MATN2: variants seen among roughly 807,000 people sequenced by gnomAD.
The protein encoded by MATN2 is matrilin 2.
MATN2 carries 69 observed loss-of-function variants against 103.2 expected under a neutral mutation model. The ratio of observed to expected loss-of-function variants is 0.67; its 90% CI spans 0.55 to 0.82. The LOEUF (loss-of-function observed/expected upper bound fraction) is 0.82. Among genes scored for constraint, MATN2 ranks in the 40% least tolerant of loss-of-function variants. MATN2 has a pLI of 0.00. For synonymous variants in MATN2, 429 were observed against 450.2 expected (o/e 0.95, Z 0.60); for missense variants, 1,023 against 1,211.5 (o/e 0.84, Z 2.31).
intron 1 of MATN2, among the ~76,000 whole-genome samples, chr8:97,877,586 G>A (rs1355003336): frequency 2.0e-5 from 3 of 151,652 alleles, no homozygotes; most frequent in African/African-American, 7.3e-5. Context: ...CTCCCGAAGT[G>A]CTGGGATTAC....
At chr8:97,872,831 A>C (rs370800245) in intron 1 of MATN2, among the ~76,000 whole-genome samples, 1 of 150,808 alleles carries the variant, frequency 6.6e-6, no homozygotes, top group African/African-American at 2.5e-5. Flanking sequence ...GTCTCGTTCT[A>C]TCGCCCACGC....
chr8:97,949,046 A>G (rs557740506), intron 4 of MATN2, among the ~76,000 whole-genome samples: 15 of 152,360 alleles, frequency 9.8e-5, no homozygotes, highest in Middle Eastern at 3.4e-3. Flanking sequence ...AAACACCACC[A>G]TAAAAATGGG....
chr8:98,032,955 G>C, intron 16 of MATN2, 87 bp from the exon 17 acceptor site: 1 of 1,308,044 alleles, frequency 7.6e-7, no homozygotes, highest in African/African-American at 1.5e-5. Context: ...CAAGTGCTAG[G>C]AATACCAAGT....
intron 14 of MATN2, among the ~76,000 whole-genome samples, chr8:98,029,371 A>G (rs191064729): frequency 1.3e-5 from 2 of 152,352 alleles, no homozygotes; most frequent in African/African-American, 4.8e-5. Context: ...GACAGTGGTT[A>G]GCCCTTTCAT....
intron 18 of MATN2, among the ~76,000 whole-genome samples, chr8:98,034,916 TAAA>T (rs397970246): frequency 2.3e-5 from 3 of 130,808 alleles, no homozygotes; most frequent in Non-Finnish European, 3.3e-5. Flanking sequence ...GAATCACAAT[TAAA>T]AAAAAAAAAA....
Position 97,951,471 on chromosome 8 carries a change from C to T in MATN2, c.835+9572C>T, listed in dbSNP as rs147158577. Among the ~76,000 whole-genome samples the T allele has an allele frequency of 3.1e-4, 47 of 152,180 alleles. No homozygotes were observed. The East Asian group carries it at 6.8e-3, about 22-fold the overall frequency. On this transcript the variant is annotated intron_variant, in intron 4 of 18. Transcript: ENST00000254898. ...CCCCGGAAAACAATATCAGCTTTGCCCGGAACTTACTAGAAATGCAGGTTC... is the reference window on the plus strand; with the variant it reads ...CCCCGGAAAACAATATCAGCTTTGCTCGGAACTTACTAGAAATGCAGGTTC...
At position 98,007,681 on chromosome 8, in the gene MATN2, T is replaced by C; in HGVS notation, c.1573+80T>C. On this transcript the variant is annotated intron_variant, in intron 10 of 18. Transcript: ENST00000254898. This position sits in a 1 kb window ranked among gnomAD's most constrained non-coding sequence, Gnocchi z 4.2. ...TGGGTGCGCTGCCGACGTGTATATGTGCCTGTGTGTCCTGTCTCCAGGCTT... is the reference window on the plus strand; with the variant it reads ...TGGGTGCGCTGCCGACGTGTATATGCGCCTGTGTGTCCTGTCTCCAGGCTT... The C allele has an allele frequency of 1.3e-6, 2 of 1,506,034 alleles. No homozygotes were observed. Among genetic ancestry groups the C allele is most frequent in the Non-Finnish European group, 1.8e-6 (2 of 1,109,524 alleles). The allele number at this position is 1,506,034 out of a possible 1,614,324, so 93.3% of individuals were successfully genotyped here. A position where few individuals can be genotyped will look rare whatever the true frequency, so the allele number is the denominator to read the frequency against.
chr8:97,928,141 C>A (rs1366052207), intron 2 of MATN2, among the ~76,000 whole-genome samples: 1 of 151,836 alleles, frequency 6.6e-6, no homozygotes, highest in Non-Finnish European at 1.5e-5. Context: ...ATCTGCAGAT[C>A]CATCATCTAC....
rs73278205 is a variant in MATN2 at position 97,936,533 on chromosome 8, C to A, written c.712+5011C>A. On this transcript the variant is annotated intron_variant, in intron 3 of 18. Coordinates refer to ENST00000254898, the MANE Select transcript of MATN2 (RefSeq NM_002380.5). Reference sequence around the variant, plus strand: ...TACTGTGCCCAGTAATACAAGACCTCCAGCCCACCTCCCTACACTGACCAC... The same window carrying A: ...TACTGTGCCCAGTAATACAAGACCTACAGCCCACCTCCCTACACTGACCAC... Among the ~76,000 whole-genome samples the A allele has an allele frequency of 7.5e-3, 1,138 of 152,044 alleles. 18 individuals carry two copies. Among genetic ancestry groups the A allele is most frequent in the African/African-American group, 0.025 (1,031 of 41,434 alleles).
rs558131208 is a variant in MATN2 at position 97,987,329 on chromosome 8, T to C, written c.1082-7151T>C. On this transcript the variant is annotated intron_variant, in intron 6 of 18. Coordinates refer to ENST00000254898, the MANE Select transcript of MATN2 (RefSeq NM_002380.5). ...GGAAAGCATCCAGAAGAACAGCTAATGGATGCTGGGCTTAATACCTGGGTG... is the reference window on the plus strand; with the variant it reads ...GGAAAGCATCCAGAAGAACAGCTAACGGATGCTGGGCTTAATACCTGGGTG... Among the ~76,000 whole-genome samples, 5 of 152,280 alleles carry C rather than the reference T, an allele frequency of 3.3e-5. No individual in the cohort carries two copies. In the South Asian group the frequency reaches 1.0e-3, roughly 32 times the overall value.
chr8:97,925,084 C>G (rs1809946997), intron 2 of MATN2, among the ~76,000 whole-genome samples: 1 of 152,022 alleles, frequency 6.6e-6, no homozygotes, highest in African/African-American at 2.4e-5. Flanking sequence ...CACAGAGACT[C>G]CAGTACAGCC....
At chr8:97,915,866 CTGTGTGTGTG>C (rs143764402) in intron 2 of MATN2, among the ~76,000 whole-genome samples, 1 of 150,370 alleles carries the variant, frequency 6.7e-6, no homozygotes, top group Non-Finnish European at 1.5e-5. Context: ...GGTTGTGTGT[CTGTGTGTGTG>C]TGTGTGTCTG....
intron 2 of MATN2, among the ~76,000 whole-genome samples, chr8:97,909,823 GC>G (rs1768029281): frequency 6.6e-6 from 1 of 150,564 alleles, no homozygotes; most frequent in Admixed American, 6.7e-5. Context: ...TCGCTCTGTC[GC>G]CCCGGCTGGA....
chr8:97,917,385 G>A (rs1354783407), intron 2 of MATN2, among the ~76,000 whole-genome samples: 2 of 152,142 alleles, frequency 1.3e-5, no homozygotes, highest in Admixed American at 6.5e-5. Context: ...TGTGAACTTC[G>A]GCTCTGCTCA....
At chr8:97,979,348 T>C (rs990061326) in intron 6 of MATN2, among the ~76,000 whole-genome samples, 6 of 152,228 alleles carry the variant, frequency 3.9e-5, no homozygotes, top group Non-Finnish European at 5.9e-5. Context: ...GATGTTTTCA[T>C]TGAAGCTTTG....
In MATN2 at chr8:98,016,593, A is replaced by G. The variant is rs1271873170; in HGVS notation, c.1627A>G (p.Ser543Gly). 1.6e-5 allele frequency: 26 copies of G among 1,611,870 alleles called. No homozygotes were observed. Among genetic ancestry groups the G allele is most frequent in the Non-Finnish European group, 2.1e-5 (25 of 1,178,934 alleles). ...DHGCEHSCVS[S>G]EDSFVCQCFE... ...CGGTTGTGAACATTCGTGTGTAAGC[A>G]GTGAAGATTCGTTTGTGTGCCAGTG... Residue 543 changes from serine to glycine, a missense_variant, in exon 11 of 19, where the codon AGT becomes GGT. Physicochemically the swap from Ser to Gly is moderately conservative, Grantham distance 56 (BLOSUM62 0). Transcript: ENST00000254898.
intron 6 of MATN2, among the ~76,000 whole-genome samples, chr8:97,981,670 C>T (rs1428850163): frequency 2.0e-5 from 3 of 152,100 alleles, no homozygotes; most frequent in Non-Finnish European, 4.4e-5. Context: ...GGGATGAGGA[C>T]TGGAGAAAAA....
intron 12 of MATN2, among the ~76,000 whole-genome samples, chr8:98,020,286 C>G (rs1377531733): frequency 6.6e-6 from 1 of 152,222 alleles, no homozygotes; most frequent in Non-Finnish European, 1.5e-5. Context: ...GCTGGGACTA[C>G]AAGCGTGCAC....
chr8:97,909,814 C>T (rs1403387966), intron 2 of MATN2, among the ~76,000 whole-genome samples: 38 of 151,048 alleles, frequency 2.5e-4, no homozygotes, highest in East Asian at 1.9e-4. Flanking sequence ...GACGGAGTCT[C>T]GCTCTGTCGC....
Sources: allele counts gnomAD v4.1 joint callset (sites outside exome capture counted in the v4.1 genomes callset), GRCh38; gene constraint gnomAD v4.1.1; non-coding constraint Gnocchi (gnomAD v3.1); transcripts MANE v1.5; gene names NCBI Gene and HGNC (gene_info 2026-07-23, HGNC 2026-07-21).